The following ADARB2 variants were observed in gnomAD, a reference collection of about 807,000 sequenced individuals.
ADARB2 encodes the protein adenosine deaminase RNA specific B2 (inactive), also known as inactive double-stranded RNA-specific editase B2.
ADARB2 carries 25 observed loss-of-function variants against 62.2 expected under a neutral mutation model. The ratio of observed to expected loss-of-function variants is 0.40; its 90% confidence interval spans 0.29 to 0.56. The LOEUF (loss-of-function observed/expected upper bound fraction) is 0.56, where lower values mean the gene tolerates loss of function less well. Ranked by LOEUF, ADARB2 falls within the 20% of genes least tolerant of loss-of-function variation. The probability of loss-of-function intolerance (pLI) is 0.43; values close to 1 mark genes in which losing one functional copy is unlikely to be tolerated. For missense variants in ADARB2, 1,071 were observed against 1,077.4 expected, an observed-to-expected ratio of 0.99 and a Z score of 0.08; for synonymous variants, 572 against 500.8, an observed-to-expected ratio of 1.14 and a Z score of -1.90.
intron 1 of ADARB2, among the ~76,000 whole-genome samples, chr10:1,456,898 G>T (rs1014622250): frequency 1.3e-5 from 2 of 152,096 alleles, no homozygotes; most frequent in Admixed American, 6.5e-5. Context: ...AGGTTCAAGC[G>T]ATTCTCCTGC....
rs189333230 is a variant in ADARB2 at position 1,579,312 on chromosome 10, C to T, written c.100+157739G>A. On this transcript the variant is annotated intron_variant, in intron 1 of 9. Coordinates refer to ENST00000381312, the MANE Select transcript of ADARB2 (RefSeq NM_018702.4). ...ATTTACATCCTCCTACGATTGCCTG[C>T]GTTAGACTCAGCCACATGGTTATGT... Among the ~76,000 whole-genome samples, 586 of 152,262 alleles carry T rather than the reference C, an allele frequency of 3.8e-3. 12 individuals are homozygous for T. Among genetic ancestry groups the T allele is most frequent in the East Asian group, 4.6e-3 (24 of 5,174 alleles).
chr10:1,593,210 A>T lies in ADARB2; in HGVS notation c.100+143841T>A, dbSNP rs1209446473. On this transcript the variant is annotated intron_variant, in intron 1 of 9. Transcript: ENST00000381312. ...CTCTGTCACCCAGCTCCCTTCGCCC[A>T]AGCCACCCTCCATAGGTCTCCTCTC... 4.6e-3 allele frequency among the ~76,000 whole-genome samples: 510 copies of T among 111,924 alleles called. 77 individuals are homozygous for T. Among genetic ancestry groups the T allele is most frequent in the African/African-American group, 0.018 (471 of 25,540 alleles). 73.4% of individuals were successfully genotyped at this position (111,924 alleles called of 152,430 possible). A position where few individuals can be genotyped will look rare whatever the true frequency, so the allele number is the denominator to read the frequency against.
rs1308971858 is a variant in ADARB2 at position 1,716,192 on chromosome 10, C to T, written c.100+20859G>A. Among the ~76,000 whole-genome samples, 9 of 152,252 alleles carry T rather than the reference C, an allele frequency of 5.9e-5. No homozygotes were observed. In the East Asian group the frequency reaches 9.7e-4, roughly 16 times the overall value. ...TCAGTTCTCCCTGTACATTCCATCACGACTCATGCACACCTGCTGAGCTCC... is the reference window on the plus strand; with the variant it reads ...TCAGTTCTCCCTGTACATTCCATCATGACTCATGCACACCTGCTGAGCTCC... On this transcript the variant is annotated intron_variant, in intron 1 of 9. Coordinates refer to ENST00000381312, the MANE Select transcript of ADARB2 (RefSeq NM_018702.4).
At chr10:1,308,004 A>G (rs1163105742) in intron 3 of ADARB2, among the ~76,000 whole-genome samples, 5 of 149,104 alleles carry the variant, frequency 3.4e-5, no homozygotes, top group East Asian at 4.0e-4. Context: ...TGGGTGCAGC[A>G]CACCAGCATG....
At chr10:1,581,469 C>G (rs1833097906) in intron 1 of ADARB2, among the ~76,000 whole-genome samples, 1 of 152,244 alleles carries the variant, frequency 6.6e-6, no homozygotes, top group Admixed American at 6.5e-5. Flanking sequence ...GCCCTGGAGC[C>G]ACCTCCTGAG....
chr10:1,379,016 A>C, intron 2 of ADARB2, 58 bp downstream of exon 2: 1 of 1,442,606 alleles, frequency 6.9e-7, no homozygotes, highest in Admixed American at 1.7e-5. Flanking sequence ...ACTGCAGGGG[A>C]CCCCTGCACA....
At chr10:1,562,287 C>T (rs1473170305) in intron 1 of ADARB2, among the ~76,000 whole-genome samples, 2 of 152,168 alleles carry the variant, frequency 1.3e-5, no homozygotes, top group African/African-American at 2.4e-5. Context: ...CCCTCCCAGC[C>T]CTCATCACAT....
At chr10:1,432,632 C>G (rs2131890559) in intron 1 of ADARB2, among the ~76,000 whole-genome samples, 1 of 151,518 alleles carries the variant, frequency 6.6e-6, no homozygotes, top group South Asian at 2.1e-4. Flanking sequence ...GACTTATTTC[C>G]TTTGTCTGGG....
intron 1 of ADARB2, among the ~76,000 whole-genome samples, chr10:1,403,794 A>T (rs1423454757): frequency 2.0e-5 from 3 of 152,202 alleles, no homozygotes; most frequent in Non-Finnish European, 4.4e-5. Flanking sequence ...CGTCCCTCCC[A>T]GTCTCCTGTT....
intron 1 of ADARB2, among the ~76,000 whole-genome samples, chr10:1,536,530 C>T (rs1460682097): frequency 2.0e-5 from 3 of 152,224 alleles, no homozygotes; most frequent in African/African-American, 4.8e-5. Context: ...TGCGTCTCCA[C>T]GTTCCACTTC....
At chr10:1,571,179 G>A (rs992700120) in intron 1 of ADARB2, among the ~76,000 whole-genome samples, 1 of 152,118 alleles carries the variant, frequency 6.6e-6, no homozygotes, top group East Asian at 1.9e-4. Flanking sequence ...GAAGGCCCTC[G>A]CATTTGAACA....
chr10:1,183,389 A>G lies in ADARB2; in HGVS notation c.2044-20T>C. ...GCTCAGCTGCGGACAAGAAGGAGAA[A>G]GAGCCAATCAGACACCAGCAGAAAA... On this transcript the variant is annotated intron_variant, in intron 9 of 9. Coordinates refer to ENST00000381312, the MANE Select transcript of ADARB2 (RefSeq NM_018702.4). 6.3e-7 allele frequency: 1 copy of G among 1,599,078 alleles called. No individual in the cohort carries two copies. The highest frequency in any genetic ancestry group is 8.6e-7 in the Non-Finnish European group (1 of 1,167,454).
At chr10:1,365,806 A>G (rs1275183961) in intron 2 of ADARB2, among the ~76,000 whole-genome samples, 1 of 152,220 alleles carries the variant, frequency 6.6e-6, no homozygotes, top group African/African-American at 2.4e-5. Context: ...GAACTGAACA[A>G]AGGTGTGCAC....
intron 1 of ADARB2, among the ~76,000 whole-genome samples, chr10:1,588,500 C>CGG (rs1833208870): frequency 6.6e-6 from 1 of 152,184 alleles, no homozygotes; most frequent in South Asian, 2.1e-4. Flanking sequence ...GTAGGCCAGA[C>CGG]GGTGCTGCTG....
chr10:1,477,209 G>A lies in ADARB2; in HGVS notation c.101-98049C>T, dbSNP rs1831413599. 1.3e-5 allele frequency among the ~76,000 whole-genome samples: 2 copies of A among 152,306 alleles called. No individual in the cohort carries two copies. The highest frequency in any genetic ancestry group is 4.1e-4 in the South Asian group (2 of 4,830). ...AACACCACTTCCTTACAGGAGAAGT[G>A]ACTGCACTGATCAGAAGTGTGGAGT... On this transcript the variant is annotated intron_variant, in intron 1 of 9. Coordinates refer to ENST00000381312, the MANE Select transcript of ADARB2 (RefSeq NM_018702.4). This position sits in a 1 kb window ranked among gnomAD's most constrained non-coding sequence, Gnocchi z 4.5.
intron 1 of ADARB2, among the ~76,000 whole-genome samples, chr10:1,613,591 A>G (rs1015882391): frequency 1.3e-5 from 2 of 152,224 alleles, no homozygotes; most frequent in Non-Finnish European, 2.9e-5. Flanking sequence ...TGAGTAAACT[A>G]TTAGCACGTC....
intron 1 of ADARB2, among the ~76,000 whole-genome samples, chr10:1,508,671 C>T (rs1831883049): frequency 6.6e-6 from 1 of 152,146 alleles, no homozygotes. Context: ...TCCAGCTACT[C>T]AGGAGGCTGA....
At chr10:1,569,764 T>G (rs1031173576) in intron 1 of ADARB2, among the ~76,000 whole-genome samples, 1 of 152,150 alleles carries the variant, frequency 6.6e-6, no homozygotes, top group African/African-American at 2.4e-5. Flanking sequence ...GTATCATTTT[T>G]TTTTAAAAAA....
At chr10:1,432,261 T>A (rs895247027) in intron 1 of ADARB2, among the ~76,000 whole-genome samples, 7 of 152,138 alleles carry the variant, frequency 4.6e-5, no homozygotes, top group Non-Finnish European at 7.4e-5. Flanking sequence ...GGTGTCTTAT[T>A]TAACTTGTGA....
Sources: gnomAD v4.1 joint callset for allele counts (sites outside exome capture counted in the v4.1 genomes callset) on GRCh38, gnomAD v4.1.1 for gene constraint, Gnocchi (gnomAD v3.1) non-coding constraint, MANE v1.5 for transcripts, NCBI Gene and HGNC (gene_info 2026-07-23, HGNC 2026-07-21) for gene names.